RASSF8: variants seen among roughly 807,000 people sequenced by gnomAD.
The protein encoded by RASSF8 is Ras association domain family member 8.
In RASSF8, 22 loss-of-function variants were observed where a neutral mutation model predicts 48.5. The ratio of observed to expected loss-of-function variants is 0.45; its 90% confidence interval spans 0.32 to 0.65. RASSF8 has a LOEUF of 0.65. Among genes scored for constraint, RASSF8 ranks in the 30% least tolerant of loss-of-function variants. The pLI is 0.03. For missense variants in RASSF8, 418 were observed against 489.2 expected, an observed-to-expected ratio of 0.85 and a Z score of 1.37; for synonymous variants, 127 against 171.5, an observed-to-expected ratio of 0.74 and a Z score of 2.03.
chr12:26,072,672 C>T lies in RASSF8; in HGVS notation c.*3854C>T, dbSNP rs1453241623. 2.0e-6 allele frequency: 2 copies of T among 984,742 alleles called. No individual in the cohort carries two copies. The highest frequency in any genetic ancestry group is 1.2e-4 in the Admixed American group (2 of 16,248). 61.0% of individuals were successfully genotyped at this position (984,742 alleles called of 1,614,324 possible). A position where few individuals can be genotyped will look rare whatever the true frequency, so the allele number is the denominator to read the frequency against. ...TTTAAACAGAAAATTGCCATGTTCA[C>T]TAATTGTGAGCACATAAATATGCTT... On this transcript the variant is annotated 3_prime_UTR_variant, in exon 6 of 6. Transcript: ENST00000689635.
At chr12:26,003,804 T>C (rs1249675071) in intron 2 of RASSF8, among the ~76,000 whole-genome samples, 1 of 152,128 alleles carries the variant, frequency 6.6e-6, no homozygotes, top group African/African-American at 2.4e-5. Flanking sequence ...AAGGTTGACC[T>C]GATGTCTATG....
Position 26,065,139 on chromosome 12 carries a change from C to T in RASSF8, c.745C>T (p.Gln249Ter). ...GAAGGATCAACTTCAAGAAATAAGACAGAAAATAACAGAATGTGAAAACAA... is the reference window on the plus strand; with the variant it reads ...GAAGGATCAACTTCAAGAAATAAGATAGAAAATAACAGAATGTGAAAACAA... Reference protein sequence around the residue: ...QLKDQLQEIRQKITECENKLK... With the variant: ...QLKDQLQEIR Residue 249 changes from glutamine (Q) to a stop codon, truncating the protein, a stop_gained, in exon 4 of 6, where the codon CAG (glutamine) becomes TAG (stop). Transcript: ENST00000689635. LOFTEE classifies it high-confidence loss of function. 1 of 1,613,756 alleles carries T rather than the reference C, an allele frequency of 6.2e-7. No individual in the cohort carries two copies. The highest frequency in any genetic ancestry group is 8.5e-7 in the Non-Finnish European group (1 of 1,179,872).
chr12:26,002,590 A>G (rs1242127632), intron 2 of RASSF8, among the ~76,000 whole-genome samples: 1 of 152,220 alleles, frequency 6.6e-6, no homozygotes, highest in Non-Finnish European at 1.5e-5. Flanking sequence ...CCTGACCAAC[A>G]TGGTGAAACC....
chr12:26,014,169 C>G (rs1942591894), intron 2 of RASSF8, among the ~76,000 whole-genome samples: 1 of 152,224 alleles, frequency 6.6e-6, no homozygotes. Context: ...CTCACTACAG[C>G]AGCAAACTTC....
chr12:26,029,097 A>G (rs574395678), intron 2 of RASSF8, among the ~76,000 whole-genome samples: 6 of 152,206 alleles, frequency 3.9e-5, no homozygotes, highest in Non-Finnish European at 7.3e-5. Context: ...CCTCATTAGC[A>G]TGGTGCTATT....
At chr12:26,005,322 G>A (rs1942364766) in intron 2 of RASSF8, among the ~76,000 whole-genome samples, 1 of 152,030 alleles carries the variant, frequency 6.6e-6, no homozygotes, top group African/African-American at 2.4e-5. Flanking sequence ...TTATTGGTTT[G>A]CATTCTTTCA....
At chr12:25,965,961 T>A (rs982958560) in intron 1 of RASSF8, among the ~76,000 whole-genome samples, 3 of 152,226 alleles carry the variant, frequency 2.0e-5, no homozygotes, top group African/African-American at 7.2e-5. Flanking sequence ...TTGTTGCTAA[T>A]TTTTGGCTAT....
rs75790334 is a variant in RASSF8, at chr12:26,069,571, T to G, written c.*753T>G. On this transcript the variant is annotated 3_prime_UTR_variant, in exon 6 of 6. Coordinates refer to ENST00000689635, the MANE Select transcript of RASSF8 (RefSeq NM_001394098.1). ...CAGACACTGTTGAACAAAAATGTAA[T>G]TGGTAAGTATGTATCCAAACAGGCA... The G allele has an allele frequency of 3.5e-3, 3,429 of 985,422 alleles. 89 individuals carry two copies. The African/African-American group carries it at 0.056, about 16-fold the overall frequency. The allele number at this position is 985,422 out of a possible 1,614,324, so 61.0% of individuals were successfully genotyped here.
At chr12:26,078,917 G>A (rs754625055) in intron 5 of RASSF8, 9 of 962,078 alleles carry the variant, frequency 9.4e-6, no homozygotes, top group South Asian at 6.1e-5. Context: ...GGCGCTAACC[G>A]AAAAGACAAA....
Position 25,973,142 on chromosome 12 carries a change from T to G in RASSF8, c.-203+13994T>G, listed in dbSNP as rs183091989. Reference sequence around the variant, plus strand: ...GCATGCTTGAACTCCTGGGTTCAAGTGATCCTCCCTCCTCAGTCTCCCCAG... The same window carrying G: ...GCATGCTTGAACTCCTGGGTTCAAGGGATCCTCCCTCCTCAGTCTCCCCAG... On this transcript the variant is annotated intron_variant, in intron 1 of 5. Transcript: ENST00000689635. Among the ~76,000 whole-genome samples the G allele has an allele frequency of 4.4e-4, 67 of 152,238 alleles. No homozygotes were observed. The Middle Eastern group carries it at 0.027, about 62-fold the overall frequency.
chr12:26,055,513 T>A, intron 3 of RASSF8, 67 bp downstream of exon 3: 1 of 1,296,840 alleles, frequency 7.7e-7, no homozygotes, highest in Non-Finnish European at 1.1e-6. Flanking sequence ...GTGTTTGTTT[T>A]AAATATAGAT....
chr12:25,968,431 C>T (rs1473611676), intron 1 of RASSF8, among the ~76,000 whole-genome samples: 4 of 152,366 alleles, frequency 2.6e-5, no homozygotes, highest in Non-Finnish European at 4.4e-5. Context: ...CAGCCCCCGC[C>T]TCCCGGGCTC....
At chr12:26,058,208 A>G (rs180830550) in intron 3 of RASSF8, among the ~76,000 whole-genome samples, 2 of 152,352 alleles carry the variant, frequency 1.3e-5, no homozygotes, top group East Asian at 3.9e-4. Flanking sequence ...AACTTGGCCA[A>G]ACAACTCTTT....
intron 2 of RASSF8, among the ~76,000 whole-genome samples, chr12:25,998,639 G>A (rs549294771): frequency 2.7e-4 from 41 of 152,236 alleles, no homozygotes; most frequent in South Asian, 2.1e-3. Flanking sequence ...GAGCCACCGC[G>A]CCTGGCAAGA....
At chr12:26,045,976 C>G (rs1321018938) in intron 2 of RASSF8, among the ~76,000 whole-genome samples, 1 of 152,048 alleles carries the variant, frequency 6.6e-6, no homozygotes, top group Middle Eastern at 3.2e-3. Flanking sequence ...AAAAGTGATT[C>G]TATTTTTGGC....
At chr12:25,981,467 A>G (rs1382658739) in intron 1 of RASSF8, among the ~76,000 whole-genome samples, 4 of 152,158 alleles carry the variant, frequency 2.6e-5, no homozygotes, top group Non-Finnish European at 5.9e-5. Context: ...TGTTCCTCGT[A>G]GACAAAGAAC....
intron 2 of RASSF8, among the ~76,000 whole-genome samples, chr12:26,046,913 G>A (rs949367647): frequency 6.6e-6 from 1 of 152,162 alleles, no homozygotes; most frequent in Non-Finnish European, 1.5e-5. Flanking sequence ...TATACTCACT[G>A]TCAGTTTTCT....
At position 26,012,671 on chromosome 12, in the gene RASSF8, A is replaced by T. The variant is rs1435186533; in HGVS notation, c.-109+17541A>T. On this transcript the variant is annotated intron_variant, in intron 2 of 5. Transcript: ENST00000689635. ...CTGGGCGTGATGTTCCTTCCATGTG[A>T]GGCCTTTTTTCTTTTTTTTTTTTTT... Among the ~76,000 whole-genome samples the T allele has an allele frequency of 2.1e-5, 3 of 145,542 alleles. No homozygotes were observed. In the Admixed American group the frequency reaches 2.1e-4, roughly 10 times the overall value.
chr12:26,076,578 C>T (rs1944074748), downstream of RASSF8, among the ~76,000 whole-genome samples: 1 of 148,482 alleles, frequency 6.7e-6, no homozygotes, highest in African/African-American at 2.4e-5. Context: ...ATCCATGTCC[C>T]TGCAAAGGAC....
Sources: allele counts gnomAD v4.1 joint callset (sites outside exome capture counted in the v4.1 genomes callset), GRCh38; gene constraint gnomAD v4.1.1; transcripts MANE v1.5; gene names NCBI Gene and HGNC (gene_info 2026-07-23, HGNC 2026-07-21).